KDM5B: variants seen among roughly 807,000 people sequenced by gnomAD.
KDM5B encodes the protein lysine-specific demethylase 5B.
KDM5B carries 144 observed loss-of-function variants against 193.4 expected under a neutral mutation model. That is an observed-to-expected ratio of 0.74 (90% confidence interval 0.65 to 0.86). KDM5B has a LOEUF of 0.86. KDM5B is among the 40% of genes least tolerant of loss of function. The pLI, the probability that KDM5B is intolerant of heterozygous loss-of-function variation, is 0.00. For synonymous variants in KDM5B, 668 were observed against 682.6 expected (o/e 0.98, Z 0.33); for missense variants, 1,833 against 1,886.9 (o/e 0.97, Z 0.53).
rs1558501694 is a variant in KDM5B, at chr1:202,767,071, CA to C, written c.577-12del. 6.2e-7 allele frequency: 1 copy of C among 1,608,888 alleles called. No individual in the cohort carries two copies. The highest frequency in any genetic ancestry group is 8.5e-7 in the Non-Finnish European group (1 of 1,178,888). On this transcript the variant is annotated splice_polypyrimidine_tract_variant and intron_variant, in intron 4 of 26. Coordinates refer to ENST00000367265, the MANE Select transcript of KDM5B (RefSeq NM_006618.5). ...TGGCTTCTGCAAACACTAGAAATAA[CA>C]ACTGTACTGATAAATTCCCTCCTTT...
intron 1 of KDM5B, among the ~76,000 whole-genome samples, chr1:202,797,526 T>G (rs1166076596): frequency 3.9e-5 from 6 of 152,246 alleles, no homozygotes; most frequent in Non-Finnish European, 7.3e-5. Context: ...GCTCTTGTCC[T>G]AAAATATTTT....
chr1:202,767,709 A>T (rs1469980737), intron 4 of KDM5B, among the ~76,000 whole-genome samples: 2 of 152,152 alleles, frequency 1.3e-5, no homozygotes, highest in Non-Finnish European at 1.5e-5. Context: ...ATTAAAAAAA[A>T]TTTTAACAGG....
rs762729826 is a variant in KDM5B, at chr1:202,742,473, T to C, written c.2507A>G (p.Gln836Arg). 2 of 1,613,982 alleles carry C rather than the reference T, an allele frequency of 1.2e-6. No homozygotes were observed. The highest frequency in any genetic ancestry group is 2.7e-5 in the African/African-American group (2 of 74,930). The stretch of plus-strand genomic sequence containing the variant: ...CTGCCGGAGCTCATTCACTGTCAAC[T>C]GATTTTGGGATTTCCCTCCACCAGA... The part of the protein sequence containing the change: ...YRSGGGKSQN[Q>R]LTVNELRQFV... Residue 836 changes from glutamine (Q) to arginine (R), a missense_variant, in exon 18 of 27, where the codon CAG (glutamine) becomes CGG (arginine). By Grantham distance (43) the Gln-to-Arg change is conservative (BLOSUM62 1). Transcript: ENST00000367265.
chr1:202,749,115 C>T lies in KDM5B; in HGVS notation c.1846G>A (p.Glu616Lys). The change falls in exon 14 of 27, where the codon GAG becomes AAG. Residue 616 changes from glutamate (E) to lysine (K), a missense_variant. Glu to Lys is a moderately conservative substitution (Grantham distance 56). Coordinates refer to ENST00000367265, the MANE Select transcript of KDM5B (RefSeq NM_006618.5). ...DWLPLGRQCV[E>K]HYRLLHRYCV... is the part of the protein sequence containing the mutation. ...TATCGATGAAGCAAGCGATAATGCT[C>T]CACACACTGTCGGCCTAATGGCAGC... The T allele has an allele frequency of 6.2e-7, 1 of 1,611,442 alleles. No homozygotes were observed. Among genetic ancestry groups the T allele is most frequent in the Non-Finnish European group, 8.5e-7 (1 of 1,179,284 alleles).
At chr1:202,757,372 C>T (rs1007533673) in intron 9 of KDM5B, among the ~76,000 whole-genome samples, 10 of 152,170 alleles carry the variant, frequency 6.6e-5, no homozygotes, top group Admixed American at 2.6e-4. Context: ...TGTAGCAGCA[C>T]GCCCTTAGAA....
At chr1:202,759,550 CAAAAA>C (rs67515433) in intron 8 of KDM5B, among the ~76,000 whole-genome samples, 2 of 115,792 alleles carry the variant, frequency 1.7e-5, no homozygotes, top group African/African-American at 3.9e-5. Flanking sequence ...GATCCTGTCT[CAAAAA>C]AAAAAAAAAA....
intron 11 of KDM5B, among the ~76,000 whole-genome samples, 184 bp from the exon 12 acceptor site, chr1:202,753,251 ACT>A (rs1655868770): frequency 6.6e-6 from 1 of 152,194 alleles, no homozygotes; most frequent in South Asian, 2.1e-4. Context: ...TAATCCCAGC[ACT>A]TTGGGAGACT....
At chr1:202,761,616 C>T (rs576315117) in intron 7 of KDM5B, among the ~76,000 whole-genome samples, 46 of 152,118 alleles carry the variant, frequency 3.0e-4, no homozygotes, top group African/African-American at 9.2e-4. Flanking sequence ...TGAGTCCTTA[C>T]GGAGGTAATC....
At position 202,742,524 on chromosome 1, in the gene KDM5B, A is replaced by G; in HGVS notation, c.2475-19T>C. ...TCGATATCTGTAAAGACAAAGGCCC[A>G]AGGAAGCCATATAAGAATACATACA... On this transcript the variant is annotated intron_variant, in intron 17 of 26. Transcript: ENST00000367265. 7 of 1,610,506 alleles carry G rather than the reference A, an allele frequency of 4.3e-6. No homozygotes were observed. Among genetic ancestry groups the G allele is most frequent in the Middle Eastern group, 1.7e-4 (1 of 6,060 alleles).
chr1:202,764,767 G>C (rs1049349181), intron 5 of KDM5B, among the ~76,000 whole-genome samples: 4 of 152,118 alleles, frequency 2.6e-5, no homozygotes, highest in Admixed American at 2.6e-4. Context: ...ATCACTTGAG[G>C]CCAGGAGTTT....
At chr1:202,773,065 A>T in intron 4 of KDM5B, 53 bp downstream of exon 4, 1 of 1,228,194 alleles carries the variant, frequency 8.1e-7, no homozygotes, top group South Asian at 1.3e-5. Flanking sequence ...TGAAAAGACA[A>T]TGTACCAATA....
chr1:202,808,247 G>C lies in KDM5B; in HGVS notation c.59C>G (p.Pro20Arg), dbSNP rs748601555. The change falls in exon 1 of 27, where the codon CCG becomes CGG. Residue 20 changes from proline (P) to arginine (R), a missense_variant. Around this residue, in one of 3 missense-constraint regions of KDM5B, gnomAD observed 355 missense variants for 374.9 expected, o/e 0.95. Coordinates refer to ENST00000367265, the MANE Select transcript of KDM5B (RefSeq NM_006618.5). ...AGGCAGGAACTCGCCCAGCGGGCCCGGGCCCCCGAGGGGCAGCGCCGGGCG... is the reference window on the plus strand; with the variant it reads ...AGGCAGGAACTCGCCCAGCGGGCCCCGGCCCCCGAGGGGCAGCGCCGGGCG... ...GPRPALPLGG[P>R]GPLGEFLPPP... 4.3e-6 allele frequency: 7 copies of C among 1,611,114 alleles called. No individual in the cohort carries two copies. In the East Asian group the frequency reaches 1.3e-4, roughly 31 times the overall value.
intron 12 of KDM5B, 42 bp from the exon 13 acceptor site, chr1:202,750,820 GTGACA>G (rs1655760213): frequency 6.3e-7 from 1 of 1,590,280 alleles, no homozygotes. Flanking sequence ...TTCTTAAAGA[GTGACA>G]TTGTTACTAA....
chr1:202,757,590 G>C (rs1656072808), intron 9 of KDM5B, among the ~76,000 whole-genome samples: 2 of 152,134 alleles, frequency 1.3e-5, no homozygotes, highest in South Asian at 2.1e-4. Flanking sequence ...AGGAAGTCAA[G>C]AGAACTGAAA....
At chr1:202,732,234 A>G (rs1284263902) in intron 23 of KDM5B, 2 of 324,960 alleles carry the variant, frequency 6.2e-6, no homozygotes, top group Non-Finnish European at 1.1e-5. Context: ...CAGATCATAC[A>G]GCCTTTTAAT....
chr1:202,803,734 G>T (rs916496026), intron 1 of KDM5B, among the ~76,000 whole-genome samples: 1 of 151,798 alleles, frequency 6.6e-6, no homozygotes, highest in Admixed American at 6.6e-5. Flanking sequence ...CAGGAGAATC[G>T]CTTGAACCCG....
chr1:202,803,000 G>T lies in KDM5B; in HGVS notation c.204+5102C>A, dbSNP rs149250322. The stretch of plus-strand genomic sequence containing the variant: ...AAGCGGGAGAACTGCTTGAAGCCAG[G>T]AGTTCAAGACCAGCCTGGGCAACAT... On this transcript the variant is annotated intron_variant, in intron 1 of 26. Transcript: ENST00000367265. Among the ~76,000 whole-genome samples the T allele has an allele frequency of 5.1e-3, 771 of 152,202 alleles. 9 individuals are homozygous for T. Among genetic ancestry groups the T allele is most frequent in the African/African-American group, 0.018 (738 of 41,538 alleles).
In KDM5B at chr1:202,774,725, C is replaced by T. The variant is rs748231291; in HGVS notation, c.293G>A (p.Arg98His). ...QRLNELEAQT[R>H]VKLNFLDQIA... ...CTGGTCCAAGAAATTCAATTTTACA[C>T]GAGTTTGGGCCTAAAAGACAAAGAA... The change falls in exon 3 of 27, where the codon CGT (arginine) becomes CAT (histidine). Residue 98 changes from arginine (R) to histidine (H), a missense_variant. Physicochemically the swap from Arg to His is conservative, Grantham distance 29. This residue lies in a region of KDM5B where 355 missense variants were observed against 374.9 expected (regional missense o/e 0.95). Transcript: ENST00000367265. 12 of 1,613,128 alleles carry T rather than the reference C, an allele frequency of 7.4e-6. No individual in the cohort carries two copies. Among genetic ancestry groups the T allele is most frequent in the Middle Eastern group, 1.6e-4 (1 of 6,062 alleles).
At chr1:202,735,614 GGT>G in intron 21 of KDM5B, 27 bp from the exon 22 acceptor site, 1 of 1,599,374 alleles carries the variant, frequency 6.3e-7, no homozygotes, top group East Asian at 2.2e-5. Context: ...CACAACCAAT[GGT>G]AAAATAAATT....
Sources: allele counts gnomAD v4.1 joint callset (sites outside exome capture counted in the v4.1 genomes callset), GRCh38; gene constraint gnomAD v4.1.1; regional missense constraint gnomAD v4.1.1; transcripts MANE v1.5; gene names NCBI Gene and HGNC (gene_info 2026-07-23, HGNC 2026-07-21).